Variants in ZNF879 observed in about 807,000 individuals in gnomAD.
The protein encoded by ZNF879 is zinc finger protein 879.
Under a neutral mutation model 44.3 loss-of-function variants are expected in ZNF879, and 32 were observed. The ratio of observed to expected loss-of-function variants is 0.72; its 90% CI spans 0.54 to 0.97. The LOEUF (loss-of-function observed/expected upper bound fraction) is 0.97. Among genes scored for constraint, ZNF879 ranks in the 50% least tolerant of loss-of-function variants. The probability of loss-of-function intolerance (pLI) is 0.00; values close to 1 mark genes in which losing one functional copy is unlikely to be tolerated. For missense variants in ZNF879, 621 were observed against 669.7 expected (o/e 0.93, Z 0.80); for synonymous variants, 234 against 233.2 (o/e 1.00, Z -0.03).
At chr5:179,030,359 T>C (rs1761386817) in intron 4 of ZNF879, among the ~76,000 whole-genome samples, 1 of 152,174 alleles carries the variant, frequency 6.6e-6, no homozygotes, top group Non-Finnish European at 1.5e-5. Context: ...TACAAAGATG[T>C]TGTAAAAGAA....
At position 179,032,546 on chromosome 5, in the gene ZNF879, G is replaced by C; in HGVS notation, c.598G>C (p.Val200Leu). The C allele has an allele frequency of 6.4e-7, 1 of 1,551,826 alleles. No individual in the cohort carries two copies. The highest frequency in any genetic ancestry group is 1.2e-5 in the South Asian group (1 of 84,066). Residue 200 changes from valine to leucine, a missense_variant, in exon 5 of 5, where the codon GTG (valine) becomes CTG (leucine). Val to Leu is a conservative substitution (Grantham distance 32, BLOSUM62 1). Coordinates refer to ENST00000444149, the MANE Select transcript of ZNF879 (RefSeq NM_001136116.3). ...VLFKQLGVNTVRKCYKCNICG... is the reference protein window; with the variant it reads ...VLFKQLGVNTLRKCYKCNICG... ...CTTTAAACAACTGGGGGTCAACACA[G>C]TGCGTAAATGTTATAAATGTAATAT...
Position 179,025,026 on chromosome 5 carries a change from G to A in ZNF879, c.22G>A (p.Ala8Thr), listed in dbSNP as rs1309197241. 6.4e-7 allele frequency: 1 copy of A among 1,551,598 alleles called. No homozygotes were observed. Among genetic ancestry groups the A allele is most frequent in the Non-Finnish European group, 8.7e-7 (1 of 1,146,930 alleles). MARRLLPAHVQESVTFRD... is the reference protein window; with the variant it reads MARRLLPTHVQESVTFRD... ...AGAAATGGCAAGGAGGTTGCTGCCA[G>A]CCCATGTACAGGTGAGTGAAGGCTT... Residue 8 changes from alanine (A) to threonine (T), a missense_variant, in exon 2 of 5, where the codon GCC (alanine) becomes ACC (threonine). Coordinates refer to ENST00000444149, the MANE Select transcript of ZNF879 (RefSeq NM_001136116.3).
At chr5:179,031,899 G>A (rs2113066501) in intron 4 of ZNF879, among the ~76,000 whole-genome samples, 1 of 152,262 alleles carries the variant, frequency 6.6e-6, no homozygotes, top group South Asian at 2.1e-4. Context: ...TAGCTGCCCT[G>A]GGAGATGACG....
intron 4 of ZNF879, among the ~76,000 whole-genome samples, 187 bp from the exon 5 acceptor site, chr5:179,032,018 C>G (rs1326275288): frequency 6.6e-6 from 1 of 152,156 alleles, no homozygotes; most frequent in Non-Finnish European, 1.5e-5. Context: ...CTCAGCCCAC[C>G]TATATGTAGG....
Position 179,027,974 on chromosome 5 carries a change from T to C in ZNF879, c.161-58T>C, listed in dbSNP as rs77030582. The stretch of plus-strand genomic sequence containing the variant: ...TACTGCCCCTCTGCCCTGGGCACTC[T>C]GGGGCTGGACCCGCCTGCTACGATG... On this transcript the variant is annotated intron_variant, in intron 3 of 4. Transcript: ENST00000444149. 8,914 of 1,477,302 alleles carry C rather than the reference T, an allele frequency of 6.0e-3. 37 individuals are homozygous for C. Among genetic ancestry groups the C allele is most frequent in the Non-Finnish European group, 7.2e-3 (7,731 of 1,080,484 alleles). The allele number at this position is 1,477,302 out of a possible 1,614,324, so 91.5% of individuals were successfully genotyped here. A position where few individuals can be genotyped will look rare whatever the true frequency, so the allele number is the denominator to read the frequency against.
chr5:179,033,386 G>A lies in ZNF879; in HGVS notation c.1438G>A (p.Gly480Arg). Residue 480 changes from glycine to arginine, a missense_variant, in exon 5 of 5, where the codon GGA becomes AGA. Physicochemically the swap from Gly to Arg is moderately radical, Grantham distance 125. Transcript: ENST00000444149. ...TAATACTCATCGAAAAATTCATACT[G>A]GAGAAAAACCTTATAAATGTAATGA... ...GVNTHRKIHT[G>R]EKPYKCNDCE... 6.4e-7 allele frequency: 1 copy of A among 1,558,126 alleles called. No individual in the cohort carries two copies. The highest frequency in any genetic ancestry group is 1.2e-5 in the South Asian group (1 of 84,682).
chr5:179,033,769 C>G lies in ZNF879; in HGVS notation c.*129C>G. ...AAAACTTCAGCATTAGACCTCATCA[C>G]ACATCAGAGACTTCATGATGCAGGG... On this transcript the variant is annotated 3_prime_UTR_variant, in exon 5 of 5. Coordinates refer to ENST00000444149, the MANE Select transcript of ZNF879 (RefSeq NM_001136116.3). 1.6e-6 allele frequency: 1 copy of G among 626,182 alleles called. No individual in the cohort carries two copies. The highest frequency in any genetic ancestry group is 2.6e-6 in the Non-Finnish European group (1 of 379,310). The allele number at this position is 626,182 out of a possible 1,614,324, so 38.8% of individuals were successfully genotyped here. A position where few individuals can be genotyped will look rare whatever the true frequency, so the allele number is the denominator to read the frequency against.
chr5:179,033,415 TGA>T lies in ZNF879; in HGVS notation c.1470_1471del (p.Lys491SerfsTer22), dbSNP rs1217611283. On this transcript the variant is annotated frameshift_variant, in exon 5 of 5. Transcript: ENST00000444149. LOFTEE classifies it high-confidence loss of function. ...GEKPYKCNDC[E>X]KAFNQSSALI... ...AAAAACCTTATAAATGTAATGACTG[TGA>T]GAAAGCCTTCAACCAAAGCTCAGCT... is the stretch of plus-strand genomic sequence containing the variant. The T allele has an allele frequency of 7.1e-6, 11 of 1,559,992 alleles. No individual in the cohort carries two copies. The highest frequency in any genetic ancestry group is 9.5e-6 in the Non-Finnish European group (11 of 1,152,058).
rs759628430 is a variant in ZNF879 at position 179,032,267 on chromosome 5, C to G, written c.319C>G (p.Leu107Val). ...AGAAAATCAGGAAGTCATGAAAAAACTCATAATTGATGGCACATTTGACTT... is the reference window on the plus strand; with the variant it reads ...AGAAAATCAGGAAGTCATGAAAAAAGTCATAATTGATGGCACATTTGACTT... ...KEENQEVMKK[L>V]IIDGTFDFKL... The change falls in exon 5 of 5, where the codon CTC becomes GTC. Residue 107 changes from leucine to valine, a missense_variant. Physicochemically the swap from Leu to Val is conservative, Grantham distance 32 (BLOSUM62 1). Transcript: ENST00000444149. 2.0e-6 allele frequency: 3 copies of G among 1,538,000 alleles called. No individual in the cohort carries two copies. Among genetic ancestry groups the G allele is most frequent in the Non-Finnish European group, 2.6e-6 (3 of 1,143,708 alleles).
intron 4 of ZNF879, among the ~76,000 whole-genome samples, chr5:179,030,280 G>A (rs1361839211): frequency 2.0e-5 from 3 of 152,160 alleles, no homozygotes; most frequent in Non-Finnish European, 2.9e-5. Flanking sequence ...AGGATGGTCT[G>A]GTTTTATTAA....
At chr5:179,030,724 A>G (rs1406537963) in intron 4 of ZNF879, among the ~76,000 whole-genome samples, 1 of 149,586 alleles carries the variant, frequency 6.7e-6, no homozygotes, top group Non-Finnish European at 1.5e-5. Flanking sequence ...TTATGATGAT[A>G]TATTTCTTTT....
intron 4 of ZNF879, among the ~76,000 whole-genome samples, chr5:179,029,862 A>G (rs924648238): frequency 3.3e-5 from 5 of 152,220 alleles, no homozygotes; most frequent in Non-Finnish European, 5.9e-5. Context: ...CCCTCAGTGA[A>G]TAGAGGCCTA....
chr5:179,031,621 T>G (rs1554117305), intron 4 of ZNF879, among the ~76,000 whole-genome samples: 1 of 152,264 alleles, frequency 6.6e-6, no homozygotes, highest in Non-Finnish European at 1.5e-5. Flanking sequence ...TACTTGGTCA[T>G]TGTCTGTATC....
rs1229314382 is a variant in ZNF879, at chr5:179,027,431, G to A, written c.34-42G>A. On this transcript the variant is annotated intron_variant, in intron 2 of 4. Transcript: ENST00000444149. ...GGTTGCTTCTCAGTCTTCTCGTTGT[G>A]GGGACAGTCCTGGATGAACAGGAGT... The A allele has an allele frequency of 6.8e-6, 11 of 1,609,244 alleles. No homozygotes were observed. In the Admixed American group the frequency reaches 1.9e-4, roughly 27 times the overall value.
intron 4 of ZNF879, 126 bp from the exon 5 acceptor site, chr5:179,032,079 C>G (rs1255091402): frequency 1.3e-6 from 1 of 773,080 alleles, no homozygotes; most frequent in Non-Finnish European, 2.0e-6. Context: ...TTCCTTCCTC[C>G]TCTTCTTTTT....
At chr5:179,026,567 C>A (rs1455302733) in intron 2 of ZNF879, among the ~76,000 whole-genome samples, 2 of 152,178 alleles carry the variant, frequency 1.3e-5, no homozygotes, top group Non-Finnish European at 2.9e-5. Context: ...ACTGCAGCCT[C>A]GACCTCCTGG....
At position 179,025,046 on chromosome 5, in the gene ZNF879, AG is replaced by A. The variant is rs1761225626; in HGVS notation, c.33+11del. ...TGCCAGCCCATGTACAGGTGAGTGA[AG>A]GCTTCTTTTTGCTTGAACTGCCTTC... On this transcript the variant is annotated intron_variant, in intron 2 of 4. Coordinates refer to ENST00000444149, the MANE Select transcript of ZNF879 (RefSeq NM_001136116.3). 6.4e-7 allele frequency: 1 copy of A among 1,551,446 alleles called. No individual in the cohort carries two copies. The highest frequency in any genetic ancestry group is 8.7e-7 in the Non-Finnish European group (1 of 1,146,838).
Position 179,027,454 on chromosome 5 carries a change from A to G in ZNF879, c.34-19A>G. Reference sequence around the variant, plus strand: ...GTGGGGACAGTCCTGGATGAACAGGAGTGGGTTTGCCATTCCAGGAGTCCG... The same window carrying G: ...GTGGGGACAGTCCTGGATGAACAGGGGTGGGTTTGCCATTCCAGGAGTCCG... On this transcript the variant is annotated intron_variant, in intron 2 of 4. Coordinates refer to ENST00000444149, the MANE Select transcript of ZNF879 (RefSeq NM_001136116.3). The G allele has an allele frequency of 6.2e-7, 1 of 1,613,258 alleles. No individual in the cohort carries two copies. Among genetic ancestry groups the G allele is most frequent in the Non-Finnish European group, 8.5e-7 (1 of 1,179,670 alleles).
intron 4 of ZNF879, among the ~76,000 whole-genome samples, chr5:179,029,815 A>T (rs746096751): frequency 3.8e-4 from 58 of 152,198 alleles, no homozygotes; most frequent in Non-Finnish European, 7.6e-4. Context: ...TTTGTTCTTG[A>T]TCCTGTTTTA....
Sources: gnomAD v4.1 joint callset for allele counts (sites outside exome capture counted in the v4.1 genomes callset) on GRCh38, gnomAD v4.1.1 for gene constraint, MANE v1.5 for transcripts, NCBI Gene and HGNC (gene_info 2026-07-23, HGNC 2026-07-21) for gene names.